SNX30: variants seen among roughly 807,000 people sequenced by gnomAD.
SNX30 encodes sorting nexin family member 30.
SNX30 carries 24 observed loss-of-function variants against 46.4 expected under a neutral mutation model. That is an observed-to-expected ratio of 0.52 (90% CI 0.37 to 0.73). The LOEUF (loss-of-function observed/expected upper bound fraction) is 0.73. Ranked by LOEUF, SNX30 falls within the 30% of genes least tolerant of loss-of-function variation. The pLI, the probability that SNX30 is intolerant of heterozygous loss-of-function variation, is 0.00. For missense variants in SNX30, 533 were observed against 555.7 expected (o/e 0.96, Z 0.41); for synonymous variants, 189 against 211.5 (o/e 0.89, Z 0.92).
intron 1 of SNX30, among the ~76,000 whole-genome samples, chr9:112,796,806 C>T (rs549395460): frequency 1.3e-5 from 2 of 152,228 alleles, no homozygotes; most frequent in South Asian, 2.1e-4. Flanking sequence ...TTCTTCACTC[C>T]GCCGTGTCCC....
Position 112,804,790 on chromosome 9 carries a change from C to T in SNX30, c.171C>T (p.Pro57=), listed in dbSNP as rs770097049. The T allele has an allele frequency of 1.2e-6, 2 of 1,609,132 alleles. No individual in the cohort carries two copies. The highest frequency in any genetic ancestry group is 2.2e-5 in the South Asian group (2 of 90,320). The change falls in exon 2 of 9, where the codon CCC becomes CCT. Residue 57 remains proline (P), a synonymous_variant. Coordinates refer to ENST00000374232, the MANE Select transcript of SNX30 (RefSeq NM_001012994.2). ...TCTTCTTTTAGGATCTCATTTTGCC[C>T]AACGGTGGTACTCCAGCAGGTACTT... ...RSFGDKDLIL[P]NGGTPAGTSS...
intron 7 of SNX30, among the ~76,000 whole-genome samples, chr9:112,853,529 G>A (rs1331945421): frequency 6.6e-6 from 1 of 152,174 alleles, no homozygotes; most frequent in South Asian, 2.1e-4. Context: ...TCAACAAAGG[G>A]ATTTAAAGGG....
At chr9:112,750,038 T>C (rs1564255216), upstream of SNX30, among the ~76,000 whole-genome samples, 1 of 152,184 alleles carries the variant, frequency 6.6e-6, no homozygotes, top group Non-Finnish European at 1.5e-5. Context: ...GCCCAAGGCC[T>C]GGAAAGGAAG....
chr9:112,753,171 A>G (rs923521763), intron 1 of SNX30, among the ~76,000 whole-genome samples: 2 of 152,180 alleles, frequency 1.3e-5, no homozygotes, highest in African/African-American at 4.8e-5. Flanking sequence ...ACAGATAGCC[A>G]TTTAAAATAT....
chr9:112,816,741 AAG>A (rs1194987566), intron 2 of SNX30, among the ~76,000 whole-genome samples: 1 of 152,204 alleles, frequency 6.6e-6, no homozygotes, highest in East Asian at 1.9e-4. Context: ...TTTGGCTTGA[AAG>A]AGTAAATTTA....
At chr9:112,848,426 G>T (rs375119503) in intron 6 of SNX30, among the ~76,000 whole-genome samples, 33 of 152,242 alleles carry the variant, frequency 2.2e-4, no homozygotes, top group African/African-American at 7.5e-4. Flanking sequence ...TTCAGAACAC[G>T]TTGCCCAACC....
In SNX30 at chr9:112,760,042, A is replaced by G. The variant is rs148525635; in HGVS notation, c.156+8885A>G. 1.1e-4 allele frequency among the ~76,000 whole-genome samples: 16 copies of G among 152,290 alleles called. No homozygotes were observed. In the East Asian group the frequency reaches 2.9e-3, roughly 28 times the overall value. ...CCTATGCTTTGTCGATTTCTATATTAGTTGAGGTCTGATCAGGGAATAAAA... is the reference window on the plus strand; with the variant it reads ...CCTATGCTTTGTCGATTTCTATATTGGTTGAGGTCTGATCAGGGAATAAAA... On this transcript the variant is annotated intron_variant, in intron 1 of 8. Coordinates refer to ENST00000374232, the MANE Select transcript of SNX30 (RefSeq NM_001012994.2).
chr9:112,820,736 C>T (rs1248180741), intron 3 of SNX30, among the ~76,000 whole-genome samples: 1 of 152,188 alleles, frequency 6.6e-6, no homozygotes, highest in African/African-American at 2.4e-5. Flanking sequence ...CATGTACTTT[C>T]TACAGATTTG....
chr9:112,838,566 G>T lies in SNX30; in HGVS notation c.883G>T (p.Ala295Ser). The T allele has an allele frequency of 1.2e-6, 2 of 1,614,180 alleles. No homozygotes were observed. Among genetic ancestry groups the T allele is most frequent in the African/African-American group, 1.3e-5 (1 of 75,054 alleles). Residue 295 changes from alanine (A) to serine (S), a missense_variant, in exon 6 of 9, where the codon GCT becomes TCT. Physicochemically the swap from Ala to Ser is moderately conservative, Grantham distance 99 (BLOSUM62 1). Around this residue, in one of 3 missense-constraint regions of SNX30, gnomAD observed 261 missense variants for 270.9 expected, o/e 0.96. Transcript: ENST00000374232. ...STWSALEGEL[A>S]EPLEGVSACI... ...ATGGAGCGCCTTGGAGGGTGAGCTG[G>T]CTGAACCCCTGGAGGGTGTGTCAGC...
Position 112,864,253 on chromosome 9 carries a change from G to T in SNX30, c.1108G>T (p.Ala370Ser). 6.2e-7 allele frequency: 1 copy of T among 1,613,926 alleles called. No individual in the cohort carries two copies. ...GTGTGCCTCCCTTTTCCAGGTACCG[G>T]CGGACGTCGAGAAATGTCAGGATCG... ...LRKEDRPKVP[A>S]DVEKCQDRME... Residue 370 changes from alanine to serine, a missense_variant, in exon 8 of 9, where the codon GCG (alanine) becomes TCG (serine). Ala to Ser is a moderately conservative substitution (Grantham distance 99). Transcript: ENST00000374232.
chr9:112,769,514 AGGCACCACCCT>A (rs1316699028), intron 1 of SNX30, among the ~76,000 whole-genome samples: 2 of 152,222 alleles, frequency 1.3e-5, no homozygotes, highest in Non-Finnish European at 2.9e-5. Flanking sequence ...GGCATGGACC[AGGCACCACCCT>A]GGCACAGACA....
chr9:112,766,619 C>G (rs1000703748), intron 1 of SNX30, among the ~76,000 whole-genome samples: 15 of 152,194 alleles, frequency 9.9e-5, no homozygotes, highest in African/African-American at 3.6e-4. Context: ...TGCTGCCATT[C>G]TCTGTCTTCC....
intron 1 of SNX30, among the ~76,000 whole-genome samples, chr9:112,780,975 C>T (rs930663637): frequency 6.6e-6 from 1 of 152,182 alleles, no homozygotes; most frequent in African/African-American, 2.4e-5. Context: ...TGATTCAGCC[C>T]GTCACAGAGT....
At position 112,825,683 on chromosome 9, in the gene SNX30, G is replaced by A. The variant is rs62576424; in HGVS notation, c.460-5042G>A. On this transcript the variant is annotated intron_variant, in intron 3 of 8. Coordinates refer to ENST00000374232, the MANE Select transcript of SNX30 (RefSeq NM_001012994.2). ...ACTCCCCTTTTTGCTTTTTGTTCTCGGTGCTTACAAATTAATAAAAATACT... is the reference window on the plus strand; with the variant it reads ...ACTCCCCTTTTTGCTTTTTGTTCTCAGTGCTTACAAATTAATAAAAATACT... Among the ~76,000 whole-genome samples, 1,505 of 151,888 alleles carry A rather than the reference G, an allele frequency of 9.9e-3. 8 individuals are homozygous for A. Among genetic ancestry groups the A allele is most frequent in the Non-Finnish European group, 0.015 (1,041 of 67,970 alleles).
At chr9:112,832,513 G>A in intron 4 of SNX30, among the ~76,000 whole-genome samples, 1 of 84,502 alleles carries the variant, frequency 1.2e-5, no homozygotes, top group African/African-American at 5.2e-5. Context: ...AGAGAGAGAG[G>A]AGATTTATCT....
intron 6 of SNX30, among the ~76,000 whole-genome samples, chr9:112,840,857 G>A (rs568442120): frequency 9.1e-4 from 138 of 151,362 alleles, no homozygotes; most frequent in African/African-American, 3.0e-3. Context: ...TCAGCTCACC[G>A]CAAGCTCTGC....
At chr9:112,793,508 C>T (rs1326376482) in intron 1 of SNX30, among the ~76,000 whole-genome samples, 1 of 152,230 alleles carries the variant, frequency 6.6e-6, no homozygotes, top group African/African-American at 2.4e-5. Context: ...CTGGATTGCC[C>T]CACTGCCAAA....
At chr9:112,848,517 T>C (rs1407720733) in intron 6 of SNX30, among the ~76,000 whole-genome samples, 1 of 152,186 alleles carries the variant, frequency 6.6e-6, no homozygotes, top group Non-Finnish European at 1.5e-5. Context: ...GCCACTGCTG[T>C]GCCATGAGCC....
At chr9:112,841,264 G>T (rs900242645) in intron 6 of SNX30, among the ~76,000 whole-genome samples, 2 of 152,088 alleles carry the variant, frequency 1.3e-5, no homozygotes, top group African/African-American at 4.8e-5. Flanking sequence ...GTATATATTT[G>T]TATTTGAAGC....
Sources: allele counts gnomAD v4.1 joint callset (sites outside exome capture counted in the v4.1 genomes callset), GRCh38; gene constraint gnomAD v4.1.1; regional missense constraint gnomAD v4.1.1; transcripts MANE v1.5; gene names NCBI Gene and HGNC (gene_info 2026-07-23, HGNC 2026-07-21).